MEMO1: variants seen among roughly 807,000 people sequenced by gnomAD.
MEMO1 encodes the protein mediator of cell motility 1.
Under a neutral mutation model 45.2 loss-of-function variants are expected in MEMO1, and 6 were observed. The ratio of observed to expected loss-of-function variants is 0.13; its 90% confidence interval spans 0.07 to 0.26. MEMO1 has a LOEUF of 0.26. MEMO1 is among the 10% of genes least tolerant of loss of function. The pLI, the probability that MEMO1 is intolerant of heterozygous loss-of-function variation, is 1.00. For synonymous variants in MEMO1, 78 were observed against 124.3 expected, an observed-to-expected ratio of 0.63 and a Z score of 2.48; for missense variants, 184 against 370.5, an observed-to-expected ratio of 0.50 and a Z score of 4.13.
At chr2:31,906,952 C>T (rs1344837892) in intron 6 of MEMO1, among the ~76,000 whole-genome samples, 1 of 152,136 alleles carries the variant, frequency 6.6e-6, no homozygotes, top group Non-Finnish European at 1.5e-5. Context: ...ACTATGCAAC[C>T]CAGACAAAAA....
chr2:31,943,474 G>C, intron 2 of MEMO1, 91 bp from the exon 3 acceptor site: 1 of 897,120 alleles, frequency 1.1e-6, no homozygotes, highest in East Asian at 2.4e-5. Context: ...AACTTATGTG[G>C]GACTAAACTA....
At chr2:32,008,428 C>CA (rs1329733730) in intron 2 of MEMO1, among the ~76,000 whole-genome samples, 1 of 152,004 alleles carries the variant, frequency 6.6e-6, no homozygotes. Context: ...ACTAAAAATA[C>CA]AAAAAATTAG....
At chr2:31,875,526 A>G (rs1674428772) in intron 8 of MEMO1, among the ~76,000 whole-genome samples, 1 of 152,096 alleles carries the variant, frequency 6.6e-6, no homozygotes, top group Non-Finnish European at 1.5e-5. Flanking sequence ...CTGAGTTCCA[A>G]ACCAAAATAG....
At chr2:31,920,729 A>T (rs902745831) in intron 5 of MEMO1, 69 bp downstream of exon 5, 2 of 856,826 alleles carry the variant, frequency 2.3e-6, no homozygotes, top group Non-Finnish European at 3.4e-6. Context: ...ATAAGTTTTT[A>T]AATTAATTTA....
intron 4 of MEMO1, among the ~76,000 whole-genome samples, chr2:31,924,722 G>GC (rs1431301426): frequency 6.6e-6 from 1 of 152,028 alleles, no homozygotes; most frequent in Admixed American, 6.6e-5. Context: ...ATGTCATCTG[G>GC]CCCCAAAAAG....
At chr2:31,991,811 A>G (rs955295413) in intron 2 of MEMO1, among the ~76,000 whole-genome samples, 3 of 152,204 alleles carry the variant, frequency 2.0e-5, no homozygotes, top group Admixed American at 6.5e-5. Flanking sequence ...GCACTGGTCA[A>G]TCTGATTTCT....
intron 5 of MEMO1, among the ~76,000 whole-genome samples, chr2:31,919,968 G>A (rs1186762098): frequency 6.6e-6 from 1 of 151,674 alleles, no homozygotes; most frequent in East Asian, 1.9e-4. Context: ...GTGTGTGTGT[G>A]TGTGTGTGTA....
chr2:31,996,268 C>A (rs1672602905), intron 2 of MEMO1, among the ~76,000 whole-genome samples: 2 of 152,040 alleles, frequency 1.3e-5, no homozygotes. Context: ...CTAAAAGAGG[C>A]ATGGCACGGT....
At chr2:31,914,595 A>T (rs749318743) in intron 6 of MEMO1, among the ~76,000 whole-genome samples, 1 of 152,140 alleles carries the variant, frequency 6.6e-6, no homozygotes. Context: ...AAAACTTCTC[A>T]TGTACCCCAT....
At chr2:31,986,302 G>C (rs1572897814) in intron 2 of MEMO1, among the ~76,000 whole-genome samples, 1 of 151,804 alleles carries the variant, frequency 6.6e-6, no homozygotes, top group South Asian at 2.1e-4. Context: ...GGGAGGCTGA[G>C]ACAGAATACA....
intron 4 of MEMO1, chr2:31,923,804 T>A: frequency 6.8e-7 from 1 of 1,479,092 alleles, no homozygotes; most frequent in Non-Finnish European, 9.0e-7. Context: ...TACATAAATT[T>A]CCTAAGTAAG....
chr2:31,959,853 G>A (rs1667809433), intron 2 of MEMO1, among the ~76,000 whole-genome samples: 1 of 152,176 alleles, frequency 6.6e-6, no homozygotes, highest in South Asian at 2.1e-4. Context: ...TCAAGTATCT[G>A]ACAACATGCT....
Position 31,923,493 on chromosome 2 carries a change from C to T in MEMO1, c.213-2583G>A. The T allele has an allele frequency of 3.4e-6, 3 of 882,164 alleles. No individual in the cohort carries two copies. The Middle Eastern group carries it at 7.2e-4, about 211-fold the overall frequency. 54.6% of individuals were successfully genotyped at this position (882,164 alleles called of 1,614,324 possible). ...CTATAGATTTCTAAATGAAGAAAAA[C>T]TAAAAGATAGCACTCTGGTCACCTA... On this transcript the variant is annotated intron_variant, in intron 4 of 9. Coordinates refer to ENST00000404530, the MANE Select transcript of MEMO1 (RefSeq NM_001301833.4).
In MEMO1 at chr2:31,987,758, T is replaced by A. The variant is rs908316046; in HGVS notation, c.61+22429A>T. On this transcript the variant is annotated intron_variant, in intron 2 of 9. Coordinates refer to ENST00000404530, the MANE Select transcript of MEMO1 (RefSeq NM_001301833.4). Reference sequence around the variant, plus strand: ...CTCTATTCTGAGCAATCTAGTTTTCTTCCTAAGGCCTCAAAGCTGTAGTTT... The same window carrying A: ...CTCTATTCTGAGCAATCTAGTTTTCATCCTAAGGCCTCAAAGCTGTAGTTT... 7.9e-5 allele frequency among the ~76,000 whole-genome samples: 12 copies of A among 152,298 alleles called. No homozygotes were observed. The East Asian group carries it at 2.3e-3, about 29-fold the overall frequency.
At chr2:31,885,244 C>T (rs182034103) in intron 7 of MEMO1, among the ~76,000 whole-genome samples, 5 of 152,242 alleles carry the variant, frequency 3.3e-5, no homozygotes, top group Middle Eastern at 3.4e-3. Context: ...CTCAACCTCC[C>T]GAGTAGCTGG....
At chr2:32,003,215 C>T (rs1427342472) in intron 2 of MEMO1, among the ~76,000 whole-genome samples, 2 of 151,878 alleles carry the variant, frequency 1.3e-5, no homozygotes, top group African/African-American at 4.8e-5. Context: ...AGCTATAGAA[C>T]CCTGATATAA....
intron 2 of MEMO1, among the ~76,000 whole-genome samples, chr2:31,964,354 T>C (rs901845831): frequency 2.0e-5 from 3 of 152,006 alleles, no homozygotes; most frequent in African/African-American, 7.3e-5. Flanking sequence ...CTAATTAAAA[T>C]GTATGGGGTC....
intron 7 of MEMO1, among the ~76,000 whole-genome samples, chr2:31,889,694 T>C (rs914192647): frequency 1.3e-5 from 2 of 152,086 alleles, no homozygotes; most frequent in Admixed American, 6.6e-5. Flanking sequence ...ATATTATCTA[T>C]GTTACACCTT....
At chr2:31,925,902 T>C (rs1022677556) in intron 4 of MEMO1, among the ~76,000 whole-genome samples, 2 of 152,206 alleles carry the variant, frequency 1.3e-5, no homozygotes, top group African/African-American at 2.4e-5. Flanking sequence ...TCTGTGGTGA[T>C]AAAACATTTC....
Sources: allele counts gnomAD v4.1 joint callset (sites outside exome capture counted in the v4.1 genomes callset), GRCh38; gene constraint gnomAD v4.1.1; transcripts MANE v1.5; gene names NCBI Gene and HGNC (gene_info 2026-07-23, HGNC 2026-07-21).